ZFPM2: variants seen among roughly 807,000 people sequenced by gnomAD.
The protein encoded by ZFPM2 is zinc finger protein ZFPM2.
Under a neutral mutation model 98.6 loss-of-function variants are expected in ZFPM2, and 20 were observed. The ratio of observed to expected loss-of-function variants is 0.20; its 90% CI spans 0.14 to 0.29. The LOEUF is 0.29. Among genes scored for constraint, ZFPM2 ranks in the 10% least tolerant of loss-of-function variants. ZFPM2 has a pLI of 1.00. For synonymous variants in ZFPM2, 518 were observed against 502.7 expected (o/e 1.03, Z -0.41); for missense variants, 1,310 against 1,388.6 (o/e 0.94, Z 0.90).
chr8:105,619,287 C>T (rs773413957), intron 4 of ZFPM2, among the ~76,000 whole-genome samples: 2 of 151,998 alleles, frequency 1.3e-5, no homozygotes, highest in Admixed American at 1.3e-4. Context: ...ATGTGTTGCA[C>T]CTTCCAAATG....
At chr8:105,340,603 A>C (rs1242775146) in intron 1 of ZFPM2, among the ~76,000 whole-genome samples, 2 of 151,968 alleles carry the variant, frequency 1.3e-5, no homozygotes, top group African/African-American at 4.8e-5. Flanking sequence ...AAAAGTATTG[A>C]TGTGTCTTGT....
intron 3 of ZFPM2, among the ~76,000 whole-genome samples, chr8:105,488,276 T>C (rs1033061901): frequency 6.6e-6 from 1 of 152,224 alleles, no homozygotes; most frequent in Admixed American, 6.5e-5. Context: ...CCGTGATGTA[T>C]TGACAGCTCC....
At chr8:105,431,007 G>A (rs1026585035) in intron 2 of ZFPM2, among the ~76,000 whole-genome samples, 32 of 151,340 alleles carry the variant, frequency 2.1e-4, no homozygotes, top group African/African-American at 6.6e-4. Context: ...GAGTTCAAGC[G>A]ATTCTCCTGC....
At chr8:105,426,203 G>A (rs560810485) in intron 2 of ZFPM2, among the ~76,000 whole-genome samples, 1 of 152,262 alleles carries the variant, frequency 6.6e-6, no homozygotes, top group African/African-American at 2.4e-5. Context: ...AAGAAGCTCA[G>A]CTCTTTAAAT....
chr8:105,462,286 A>G (rs1812717965), intron 3 of ZFPM2, among the ~76,000 whole-genome samples: 1 of 152,084 alleles, frequency 6.6e-6, no homozygotes, highest in Non-Finnish European at 1.5e-5. Context: ...CTCCAGTCCC[A>G]ATATGCAATC....
chr8:105,798,726 G>A lies in ZFPM2; in HGVS notation c.742G>A (p.Asp248Asn). 6.2e-7 allele frequency: 1 copy of A among 1,612,908 alleles called. No homozygotes were observed. ...GTCTCTTGTGTTTTTACCTGCAGAGGATATATTCCCTTGCAAGTCCTGTGG... is the reference window on the plus strand; with the variant it reads ...GTCTCTTGTGTTTTTACCTGCAGAGAATATATTCCCTTGCAAGTCCTGTGG... ...SILPTAIVNK[D>N]IFPCKSCGIW... The change falls in exon 7 of 8, where the codon GAT (aspartate) becomes AAT (asparagine). Residue 248 changes from aspartate (D) to asparagine (N), a missense_variant and splice_region_variant. Physicochemically the swap from Asp to Asn is conservative, Grantham distance 23. Coordinates refer to ENST00000407775, the MANE Select transcript of ZFPM2 (RefSeq NM_012082.4).
intron 6 of ZFPM2, among the ~76,000 whole-genome samples, chr8:105,791,877 T>C (rs1476870602): frequency 6.6e-6 from 1 of 152,236 alleles, no homozygotes; most frequent in Non-Finnish European, 1.5e-5. Context: ...TTTATTTGCA[T>C]AGAGGTGTTT....
At position 105,801,812 on chromosome 8, in the gene ZFPM2, A is replaced by AGAT. The variant is rs1814028166; in HGVS notation, c.1732_1734dup (p.Met578dup). On this transcript the variant is annotated inframe_insertion, in exon 8 of 8. Coordinates refer to ENST00000407775, the MANE Select transcript of ZFPM2 (RefSeq NM_012082.4). Reference sequence around the variant, plus strand: ...CATTATTGCAGCAGCCGATGGCAGCAGATGGCTAAGTCCCCAGAGTTCCCT... The same window carrying AGAT: ...CATTATTGCAGCAGCCGATGGCAGCAGATGATGGCTAAGTCCCCAGAGTTCCCT... 1 of 1,613,906 alleles carries AGAT rather than the reference A, an allele frequency of 6.2e-7. No homozygotes were observed. The highest frequency in any genetic ancestry group is 1.1e-5 in the South Asian group (1 of 91,094).
At chr8:105,460,957 G>A (rs1812694022) in intron 3 of ZFPM2, among the ~76,000 whole-genome samples, 1 of 151,876 alleles carries the variant, frequency 6.6e-6, no homozygotes, top group Non-Finnish European at 1.5e-5. Context: ...ACATATTGGT[G>A]TGGATAATAG....
intron 3 of ZFPM2, among the ~76,000 whole-genome samples, chr8:105,524,980 C>A (rs1041639302): frequency 6.6e-6 from 1 of 152,136 alleles, no homozygotes; most frequent in Non-Finnish European, 1.5e-5. Flanking sequence ...AAAAAAAGTT[C>A]ATCTCTCGCT....
intron 3 of ZFPM2, among the ~76,000 whole-genome samples, chr8:105,452,698 G>A (rs1481184051): frequency 6.6e-6 from 1 of 152,104 alleles, no homozygotes; most frequent in Admixed American, 6.6e-5. Flanking sequence ...GCTATAGTTA[G>A]CTGTGATCCT....
At chr8:105,656,040 T>A (rs975156946) in intron 5 of ZFPM2, among the ~76,000 whole-genome samples, 3 of 152,160 alleles carry the variant, frequency 2.0e-5, no homozygotes, top group Non-Finnish European at 4.4e-5. Context: ...TTCTAGACAC[T>A]GGAGTGACCA....
chr8:105,586,562 C>A (rs1273063122), intron 4 of ZFPM2, among the ~76,000 whole-genome samples: 7 of 151,668 alleles, frequency 4.6e-5, no homozygotes, highest in South Asian at 2.1e-4. Context: ...AGCTGGGACT[C>A]CAGGCGTGTG....
chr8:105,634,412 CA>C lies in ZFPM2; in HGVS notation c.532+59del, dbSNP rs150725884. 3,300 of 1,336,444 alleles carry C rather than the reference CA, an allele frequency of 2.5e-3. 51 individuals are homozygous for C. The African/African-American group carries it at 0.042, about 17-fold the overall frequency. The allele number at this position is 1,336,444 out of a possible 1,614,324, so 82.8% of individuals were successfully genotyped here. A position where few individuals can be genotyped will look rare whatever the true frequency, so the allele number is the denominator to read the frequency against. Reference sequence around the variant, plus strand: ...TGGAAGTATTAAAACCTGAGCATTGCAAAACAGCACCAGAAGAGCTGGAATG... The same window carrying C: ...TGGAAGTATTAAAACCTGAGCATTGCAAACAGCACCAGAAGAGCTGGAATG... On this transcript the variant is annotated intron_variant, in intron 5 of 7. Transcript: ENST00000407775.
intron 5 of ZFPM2, among the ~76,000 whole-genome samples, chr8:105,652,388 T>C (rs1280373331): frequency 6.6e-6 from 1 of 150,652 alleles, no homozygotes; most frequent in African/African-American, 2.5e-5. Flanking sequence ...GTCTGAGGCC[T>C]GTGAAGACTG....
At chr8:105,700,712 C>T (rs890339358) in intron 5 of ZFPM2, among the ~76,000 whole-genome samples, 1 of 152,152 alleles carries the variant, frequency 6.6e-6, no homozygotes, top group Non-Finnish European at 1.5e-5. Context: ...TCTCCTGCCT[C>T]AGGCTCCTGA....
rs35570669 is a variant in ZFPM2, at chr8:105,562,314, T to TAATAAATA, written c.420+869_420+876dup. Among the ~76,000 whole-genome samples the TAATAAATA allele has an allele frequency of 5.3e-3, 780 of 147,804 alleles. 6 individuals carry two copies. The highest frequency in any genetic ancestry group is 0.013 in the East Asian group (64 of 4,998). ...GACAGAGCAAGACTCCATCTCAAAA[T>TAATAAATA]AATAAATAAATAAATAAATAAATAA... On this transcript the variant is annotated intron_variant, in intron 4 of 7. Coordinates refer to ENST00000407775, the MANE Select transcript of ZFPM2 (RefSeq NM_012082.4).
rs1454296310 is a variant in ZFPM2 at position 105,756,058 on chromosome 8, A to G, written c.533-32660A>G. Among the ~76,000 whole-genome samples the G allele has an allele frequency of 3.3e-5, 5 of 152,238 alleles. No individual in the cohort carries two copies. The East Asian group carries it at 7.7e-4, about 24-fold the overall frequency. On this transcript the variant is annotated intron_variant, in intron 5 of 7. Transcript: ENST00000407775. ...AATAACTGCATACCTTAATCCTACT[A>G]TTGTGTTTCTGGGAGCTAAAAATGC...
chr8:105,795,723 GAACTT>G (rs34538840), intron 6 of ZFPM2: 44,756 of 410,008 alleles, frequency 0.11, 4,783 homozygotes, highest in African/African-American at 0.39. Flanking sequence ...AAAAGAAATT[GAACTT>G]AACTTAGTTT....
Sources: allele counts gnomAD v4.1 joint callset (sites outside exome capture counted in the v4.1 genomes callset), GRCh38; gene constraint gnomAD v4.1.1; transcripts MANE v1.5; gene names NCBI Gene and HGNC (gene_info 2026-07-23, HGNC 2026-07-21).